OR51D1: variants seen among roughly 807,000 people sequenced by gnomAD.
OR51D1 encodes olfactory receptor family 51 subfamily D member 1, also known as olfactory receptor 51D1.
For missense variants in OR51D1, 452 were observed against 396.2 expected (o/e 1.14, Z -1.20); for synonymous variants, 187 against 161.1 (o/e 1.16, Z -1.22).
rs113763453 is a variant in OR51D1, at chr11:4,640,371, A to G, written c.581A>G (p.His194Arg). 7 of 1,614,078 alleles carry G rather than the reference A, an allele frequency of 4.3e-6. No homozygotes were observed. The African/African-American group carries it at 5.3e-5, about 12-fold the overall frequency. Reference sequence around the variant, plus strand: ...ACTGTCACACACTCCTTCTGTCTGCACCAAGATATTATGAAGCTGTCCTGT... The same window carrying G: ...ACTGTCACACACTCCTTCTGTCTGCGCCAAGATATTATGAAGCTGTCCTGT... Reference protein sequence around the residue: ...THTVTHSFCLHQDIMKLSCTD... With the variant: ...THTVTHSFCLRQDIMKLSCTD... Residue 194 changes from histidine to arginine, a missense_variant, in exon 2 of 2, where the codon CAC becomes CGC. Transcript: ENST00000641817.
chr11:4,640,544 A>C lies in OR51D1; in HGVS notation c.754A>C (p.Asn252His). ...TCGGAGGGCAGCACTCAAGGCTTTC[A>C]ACACCTGCATCTCCCACCTCTGTGC... ...SSRRAALKAF[N>H]TCISHLCAVL... The change falls in exon 2 of 2, where the codon AAC becomes CAC. Residue 252 changes from asparagine to histidine, a missense_variant. Transcript: ENST00000641817. 6.2e-7 allele frequency: 1 copy of C among 1,612,088 alleles called. No homozygotes were observed. The highest frequency in any genetic ancestry group is 8.5e-7 in the Non-Finnish European group (1 of 1,179,756).
At position 4,639,141 on chromosome 11, in the gene OR51D1, G is replaced by C. The variant is rs148367856; in HGVS notation, c.-14-636G>C. On this transcript the variant is annotated intron_variant, in intron 1 of 1. Coordinates refer to ENST00000641817, the MANE Select transcript of OR51D1 (RefSeq NM_001004751.3). ...TCCAAAACCTTGCCCTGGCAATTCT[G>C]ATTTTCTGGGCCTGGAGCAGGACCT... Among the ~76,000 whole-genome samples the C allele has an allele frequency of 2.8e-3, 424 of 152,262 alleles. 3 individuals carry two copies. The highest frequency in any genetic ancestry group is 1.0e-2 in the African/African-American group (414 of 41,546).
In OR51D1 at chr11:4,640,971, CTCTGCTATGGTGGTCT is replaced by C. The variant is rs1846961742; in HGVS notation, c.*208_*223del. ...TCCTGGAGAATGACTGCACTAGTCC[CTCTGCTATGGTGGTCT>C]TGCCTTCTCCTTCTCTCTCAGCTAG... On this transcript the variant is annotated 3_prime_UTR_variant, in exon 2 of 2. Transcript: ENST00000641817. 1.9e-6 allele frequency: 1 copy of C among 529,250 alleles called. No homozygotes were observed. The allele number at this position is 529,250 out of a possible 1,614,324, so 32.8% of individuals were successfully genotyped here.
chr11:4,637,935 C>T (rs1485492827), intron 1 of OR51D1, among the ~76,000 whole-genome samples, 182 bp downstream of exon 1: 1 of 152,124 alleles, frequency 6.6e-6, no homozygotes, highest in African/African-American at 2.4e-5. Flanking sequence ...TGTGGAGTTA[C>T]TAGTTCTCAC....
Position 4,642,389 on chromosome 11 carries a change from C to G in OR51D1, c.*1624C>G, listed in dbSNP as rs1307731365. The G allele has an allele frequency of 6.6e-6, 1 of 152,102 alleles. No individual in the cohort carries two copies. The highest frequency in any genetic ancestry group is 6.6e-5 in the Admixed American group (1 of 15,266). The allele number at this position is 152,102 out of a possible 1,614,324, so 9.4% of individuals were successfully genotyped here. A position where few individuals can be genotyped will look rare whatever the true frequency, so the allele number is the denominator to read the frequency against. The stretch of plus-strand genomic sequence containing the variant: ...TGTATAAAAGTCCTTGGTTCCCCAT[C>G]TCTACTAAAAATACAACAATTAGCC... On this transcript the variant is annotated 3_prime_UTR_variant, in exon 2 of 2. Transcript: ENST00000641817.
intron 1 of OR51D1, 197 bp from the exon 2 acceptor site, chr11:4,639,580 C>T: frequency 5.1e-6 from 3 of 585,634 alleles, no homozygotes; most frequent in Non-Finnish European, 9.0e-6. Flanking sequence ...CTTGGAGGGT[C>T]AGGGTAAGGC....
intron 1 of OR51D1, among the ~76,000 whole-genome samples, chr11:4,638,208 G>T (rs1846920955): frequency 6.6e-6 from 1 of 152,138 alleles, no homozygotes; most frequent in Non-Finnish European, 1.5e-5. Flanking sequence ...AGAGGAGACG[G>T]GTCAAGATGA....
In OR51D1 at chr11:4,640,546, C is replaced by A. The variant is rs201859609; in HGVS notation, c.756C>A (p.Asn252Lys). The A allele has an allele frequency of 3.1e-6, 5 of 1,613,852 alleles. No homozygotes were observed. The Admixed American group carries it at 8.3e-5, about 27-fold the overall frequency. ...GGAGGGCAGCACTCAAGGCTTTCAACACCTGCATCTCCCACCTCTGTGCTG... is the reference window on the plus strand; with the variant it reads ...GGAGGGCAGCACTCAAGGCTTTCAAAACCTGCATCTCCCACCTCTGTGCTG... ...SSRRAALKAF[N>K]TCISHLCAVL... Residue 252 changes from asparagine (N) to lysine (K), a missense_variant, in exon 2 of 2, where the codon AAC becomes AAA. Asn to Lys is a moderately conservative substitution (Grantham distance 94). Transcript: ENST00000641817.
Position 4,641,858 on chromosome 11 carries a change from A to G in OR51D1, c.*1093A>G, listed in dbSNP as rs1400547715. On this transcript the variant is annotated 3_prime_UTR_variant, in exon 2 of 2. Coordinates refer to ENST00000641817, the MANE Select transcript of OR51D1 (RefSeq NM_001004751.3). ...AAATGTACATCTGAATTCTGTGTGC[A>G]TATTGTTGGTACTGATGCTATTTTC... 1 of 152,372 alleles carries G rather than the reference A, an allele frequency of 6.6e-6. No individual in the cohort carries two copies. Among genetic ancestry groups the G allele is most frequent in the Non-Finnish European group, 1.5e-5 (1 of 68,032 alleles). The allele number at this position is 152,372 out of a possible 1,614,324, so 9.4% of individuals were successfully genotyped here.
chr11:4,642,622 G>A lies in OR51D1; in HGVS notation c.*1857G>A, dbSNP rs1846982321. On this transcript the variant is annotated 3_prime_UTR_variant, in exon 2 of 2. Coordinates refer to ENST00000641817, the MANE Select transcript of OR51D1 (RefSeq NM_001004751.3). ...TCTCCTAATCCCTCTGGGAAAGCAA[G>A]GGTGGAGGGGAAGCCAGTCAATCTC... is the stretch of plus-strand genomic sequence containing the variant. The A allele has an allele frequency of 6.7e-6, 1 of 148,784 alleles. No individual in the cohort carries two copies. Among genetic ancestry groups the A allele is most frequent in the Admixed American group, 6.7e-5 (1 of 14,948 alleles). 9.2% of individuals were successfully genotyped at this position (148,784 alleles called of 1,614,324 possible). A position where few individuals can be genotyped will look rare whatever the true frequency, so the allele number is the denominator to read the frequency against.
intron 1 of OR51D1, among the ~76,000 whole-genome samples, chr11:4,638,421 A>G (rs1040563085): frequency 3.2e-4 from 48 of 152,202 alleles, no homozygotes; most frequent in Non-Finnish European, 1.5e-5. Context: ...GTAGAGAGAA[A>G]GAAGTTGAGC....
chr11:4,642,063 T>G lies in OR51D1; in HGVS notation c.*1298T>G, dbSNP rs1846974718. 1 of 152,186 alleles carries G rather than the reference T, an allele frequency of 6.6e-6. No homozygotes were observed. Among genetic ancestry groups the G allele is most frequent in the South Asian group, 2.1e-4 (1 of 4,816 alleles). The allele number at this position is 152,186 out of a possible 1,614,324, so 9.4% of individuals were successfully genotyped here. A position where few individuals can be genotyped will look rare whatever the true frequency, so the allele number is the denominator to read the frequency against. On this transcript the variant is annotated 3_prime_UTR_variant, in exon 2 of 2. Coordinates refer to ENST00000641817, the MANE Select transcript of OR51D1 (RefSeq NM_001004751.3). ...CTGGCTGTGAGCAGCAGAAATAATT[T>G]CCAAAGTTGAGTGACATGACTCTAA...
At chr11:4,639,326 G>C (rs1846933046) in intron 1 of OR51D1, among the ~76,000 whole-genome samples, 1 of 152,196 alleles carries the variant, frequency 6.6e-6, no homozygotes, top group African/African-American at 2.4e-5. Context: ...GTCAGCTGTA[G>C]ACTGAGCCTC....
At position 4,641,525 on chromosome 11, in the gene OR51D1, C is replaced by T. The variant is rs995848257; in HGVS notation, c.*760C>T. The T allele has an allele frequency of 6.6e-6, 1 of 152,358 alleles. No homozygotes were observed. Among genetic ancestry groups the T allele is most frequent in the East Asian group, 1.9e-4 (1 of 5,192 alleles). 9.4% of individuals were successfully genotyped at this position (152,358 alleles called of 1,614,324 possible). On this transcript the variant is annotated 3_prime_UTR_variant, in exon 2 of 2. Transcript: ENST00000641817. Reference sequence around the variant, plus strand: ...CATGTATGTTTCATGAGACGTGTCTCTGATTGCGCATTTGTATTTCTGTGG... The same window carrying T: ...CATGTATGTTTCATGAGACGTGTCTTTGATTGCGCATTTGTATTTCTGTGG...
In OR51D1 at chr11:4,640,005, T is replaced by C; in HGVS notation, c.215T>C (p.Met72Thr). 6.2e-7 allele frequency: 1 copy of C among 1,614,198 alleles called. No homozygotes were observed. The highest frequency in any genetic ancestry group is 8.5e-7 in the Non-Finnish European group (1 of 1,180,040). The change falls in exon 2 of 2, where the codon ATG (methionine) becomes ACG (threonine). Residue 72 changes from methionine to threonine, a missense_variant. Coordinates refer to ENST00000641817, the MANE Select transcript of OR51D1 (RefSeq NM_001004751.3). ...IRVERRLHEP[M>T]YLFLAMLSTI... is the part of the protein sequence containing the mutation. ...GTGGAGAGGCGACTGCATGAGCCCA[T>C]GTACCTCTTCCTGGCCATGCTTTCC... is the stretch of plus-strand genomic sequence containing the variant.
At position 4,641,153 on chromosome 11, in the gene OR51D1, A is replaced by G. The variant is rs1846963672; in HGVS notation, c.*388A>G. ...GCATGGACTATAAACGTTATTGCAA[A>G]TACCCTAAAGTGGTTACCCAGCCAT... On this transcript the variant is annotated 3_prime_UTR_variant, in exon 2 of 2. Coordinates refer to ENST00000641817, the MANE Select transcript of OR51D1 (RefSeq NM_001004751.3). The G allele has an allele frequency of 5.6e-6, 1 of 177,982 alleles. No individual in the cohort carries two copies. Among genetic ancestry groups the G allele is most frequent in the Non-Finnish European group, 1.2e-5 (1 of 83,426 alleles). 11.0% of individuals were successfully genotyped at this position (177,982 alleles called of 1,614,324 possible).
In OR51D1 at chr11:4,640,793, T is replaced by G. The variant is rs1188848547; in HGVS notation, c.*28T>G. On this transcript the variant is annotated 3_prime_UTR_variant, in exon 2 of 2. Transcript: ENST00000641817. ...CACCTTAGTGTCTCGCTTCTACTAC[T>G]ACTACAGAAGATGGGAATATTAGGA... is the stretch of plus-strand genomic sequence containing the variant. The G allele has an allele frequency of 2.5e-6, 4 of 1,574,720 alleles. No homozygotes were observed. The African/African-American group carries it at 5.4e-5, about 21-fold the overall frequency.
rs146014367 is a variant in OR51D1 at position 4,640,068 on chromosome 11, A to C, written c.278A>C (p.Lys93Thr). The C allele has an allele frequency of 2.7e-4, 442 of 1,614,190 alleles. 3 individuals are homozygous for C. The African/African-American group carries it at 5.1e-3, about 19-fold the overall frequency. ...DLVLSSITMP[K>T]MASLFLMGIQ... ...GTCCTCTCCTCTATCACCATGCCCA[A>C]GATGGCCAGTCTTTTCCTGATGGGC... is the stretch of plus-strand genomic sequence containing the variant. Residue 93 changes from lysine (K) to threonine (T), a missense_variant, in exon 2 of 2, where the codon AAG becomes ACG. Physicochemically the swap from Lys to Thr is moderately conservative, Grantham distance 78 (BLOSUM62 -1). Transcript: ENST00000641817.
rs777664609 is a variant in OR51D1, at chr11:4,640,706, G to C, written c.916G>C (p.Ala306Pro). ...TGTAGTCAACCCCCTTGTCTATGGA[G>C]CCAAGACCAAAGAGATCTGTTCAAG... Reference protein sequence around the residue: ...PPVVNPLVYGAKTKEICSRVL... With the variant: ...PPVVNPLVYGPKTKEICSRVL... The change falls in exon 2 of 2, where the codon GCC becomes CCC. Residue 306 changes from alanine (A) to proline (P), a missense_variant. By Grantham distance (27) the Ala-to-Pro change is conservative (BLOSUM62 -1). Transcript: ENST00000641817. 54 of 1,613,826 alleles carry C rather than the reference G, an allele frequency of 3.3e-5. No homozygotes were observed. The highest frequency in any genetic ancestry group is 9.3e-6 in the Non-Finnish European group (11 of 1,179,964).
Sources: allele counts gnomAD v4.1 joint callset (sites outside exome capture counted in the v4.1 genomes callset), GRCh38; gene constraint gnomAD v4.1.1; transcripts MANE v1.5; gene names NCBI Gene and HGNC (gene_info 2026-07-23, HGNC 2026-07-21).